C1orf198: variants seen among roughly 807,000 people sequenced by gnomAD.
C1orf198 encodes the protein chromosome 1 open reading frame 198.
C1orf198 carries 17 observed loss-of-function variants against 31.4 expected under a neutral mutation model. The ratio of observed to expected loss-of-function variants is 0.54; its 90% CI spans 0.37 to 0.81. The LOEUF (loss-of-function observed/expected upper bound fraction) is 0.81, where lower values mean the gene tolerates loss of function less well. C1orf198 is among the 40% of genes least tolerant of loss of function. The pLI, the probability that C1orf198 is intolerant of heterozygous loss-of-function variation, is 0.00. For synonymous variants in C1orf198, 175 were observed against 193.8 expected, an observed-to-expected ratio of 0.90 and a Z score of 0.81; for missense variants, 401 against 450.3, an observed-to-expected ratio of 0.89 and a Z score of 0.99.
rs544166291 is a variant in C1orf198 at position 230,866,766 on chromosome 1, A to G, written c.333+1414T>C. On this transcript the variant is annotated intron_variant, in intron 1 of 3. Transcript: ENST00000366663. ...AAATCTGGGCGCAAACACTGCACACAAGTCTTTATAAATACGCCTATTTTC... is the reference window on the plus strand; with the variant it reads ...AAATCTGGGCGCAAACACTGCACACGAGTCTTTATAAATACGCCTATTTTC... Among the ~76,000 whole-genome samples, 7 of 152,312 alleles carry G rather than the reference A, an allele frequency of 4.6e-5. No individual in the cohort carries two copies. In the South Asian group the frequency reaches 1.4e-3, roughly 32 times the overall value.
chr1:230,839,833 T>C lies in C1orf198; in HGVS notation c.*19A>G. 1 of 1,606,226 alleles carries C rather than the reference T, an allele frequency of 6.2e-7. No individual in the cohort carries two copies. Among genetic ancestry groups the C allele is most frequent in the East Asian group, 2.2e-5 (1 of 44,798 alleles). ...TGGAAAACATTTTAGGGTTCTTCAT[T>C]GTATTTTTCTAATACATTTTACCAA... is the stretch of plus-strand genomic sequence containing the variant. On this transcript the variant is annotated 3_prime_UTR_variant, in exon 4 of 4. Coordinates refer to ENST00000366663, the MANE Select transcript of C1orf198 (RefSeq NM_032800.3).
chr1:230,858,313 C>T (rs1277534224), intron 1 of C1orf198, among the ~76,000 whole-genome samples: 1 of 152,168 alleles, frequency 6.6e-6, no homozygotes, highest in East Asian at 1.9e-4. Context: ...TTTGTTTTCA[C>T]ATGGGAAAAA....
rs1441944095 is a variant in C1orf198, at chr1:230,840,278, T to C, written c.928-370A>G. Among the ~76,000 whole-genome samples the C allele has an allele frequency of 6.6e-6, 1 of 152,184 alleles. No homozygotes were observed. The highest frequency in any genetic ancestry group is 2.4e-5 in the African/African-American group (1 of 41,438). ...GAGAACAAATGATAAAGATATTCCTTCAAATATAAAACAAACATCACACAC... is the reference window on the plus strand; with the variant it reads ...GAGAACAAATGATAAAGATATTCCTCCAAATATAAAACAAACATCACACAC... On this transcript the variant is annotated intron_variant, in intron 3 of 3. Coordinates refer to ENST00000366663, the MANE Select transcript of C1orf198 (RefSeq NM_032800.3). This position sits in a 1 kb window ranked among gnomAD's most constrained non-coding sequence, Gnocchi z 4.0.
intron 2 of C1orf198, among the ~76,000 whole-genome samples, chr1:230,846,776 C>T (rs966055982): frequency 2.6e-5 from 4 of 151,616 alleles, no homozygotes; most frequent in African/African-American, 9.7e-5. Flanking sequence ...GTCTGACCAA[C>T]GTGGTGAAAC....
At chr1:230,856,181 T>C (rs1021447387) in intron 1 of C1orf198, 5 of 178,186 alleles carry the variant, frequency 2.8e-5, no homozygotes, top group African/African-American at 1.2e-4. Flanking sequence ...TGAGGTAATC[T>C]GGGAAAAGAA....
At chr1:230,860,248 T>C (rs1216585292) in intron 1 of C1orf198, among the ~76,000 whole-genome samples, 1 of 152,168 alleles carries the variant, frequency 6.6e-6, no homozygotes, top group Non-Finnish European at 1.5e-5. Flanking sequence ...GGAACCCTTG[T>C]GCACTCTTGG....
At position 230,840,560 on chromosome 1, in the gene C1orf198, C is replaced by G. The variant is rs1019725478; in HGVS notation, c.928-652G>C. Among the ~76,000 whole-genome samples, 2 of 152,276 alleles carry G rather than the reference C, an allele frequency of 1.3e-5. No individual in the cohort carries two copies. The highest frequency in any genetic ancestry group is 3.4e-3 in the Middle Eastern group (1 of 294). ...GGGGAAAGGGCTTAACTGACAGGTC[C>G]CCTCTTGTGAGCATGGGCTGTCTCA... On this transcript the variant is annotated intron_variant, in intron 3 of 3. Transcript: ENST00000366663. The surrounding 1 kb of genome is among the most constrained non-coding windows in gnomAD (Gnocchi z 4.0).
rs1205297846 is a variant in C1orf198 at position 230,868,182 on chromosome 1, C to T, written c.331G>A (p.Glu111Lys). ...TGQKVVRFGD[E>K]DLTWQDEHSA... The stretch of plus-strand genomic sequence containing the variant: ...TCCGCGGCCAGGCCCGCACCTACCT[C>T]GTCCCCGAAGCGCACCACCTTCTGG... The change falls in exon 1 of 4, where the codon GAG becomes AAG. Residue 111 changes from glutamate (E) to lysine (K), a missense_variant and splice_region_variant. Physicochemically the swap from Glu to Lys is moderately conservative, Grantham distance 56. Transcript: ENST00000366663. The T allele has an allele frequency of 1.3e-6, 2 of 1,508,134 alleles. No homozygotes were observed. The highest frequency in any genetic ancestry group is 1.5e-5 in the African/African-American group (1 of 68,912). 93.4% of individuals were successfully genotyped at this position (1,508,134 alleles called of 1,614,324 possible).
Position 230,843,233 on chromosome 1 carries a change from G to T in C1orf198, c.927+121C>A. ...CTAGGCATCCTCTGAGGAAGAGGCA[G>T]GGGAAGGAGAAGAAAAAGAGCATGG... On this transcript the variant is annotated intron_variant, in intron 3 of 3. Transcript: ENST00000366663. This position sits in a 1 kb window ranked among gnomAD's most constrained non-coding sequence, Gnocchi z 4.9. 1 of 1,187,684 alleles carries T rather than the reference G, an allele frequency of 8.4e-7. No individual in the cohort carries two copies. Among genetic ancestry groups the T allele is most frequent in the Non-Finnish European group, 1.2e-6 (1 of 855,958 alleles). 73.6% of individuals were successfully genotyped at this position (1,187,684 alleles called of 1,614,324 possible).
intron 2 of C1orf198, among the ~76,000 whole-genome samples, chr1:230,854,532 G>A (rs544527743): frequency 2.0e-5 from 3 of 152,152 alleles, no homozygotes; most frequent in African/African-American, 4.8e-5. Context: ...GATCCCTAGG[G>A]AGACTACATT....
intron 1 of C1orf198, among the ~76,000 whole-genome samples, chr1:230,863,244 C>T (rs1670037557): frequency 6.6e-6 from 1 of 152,116 alleles, no homozygotes; most frequent in Admixed American, 6.5e-5. Flanking sequence ...AATACGAATC[C>T]AGAAACTCAA....
At chr1:230,846,430 C>T (rs1572129009) in intron 2 of C1orf198, among the ~76,000 whole-genome samples, 2 of 152,368 alleles carry the variant, frequency 1.3e-5, no homozygotes, top group East Asian at 1.9e-4. Context: ...CCAGGATTCT[C>T]GCCAATGGGC....
intron 2 of C1orf198, among the ~76,000 whole-genome samples, chr1:230,844,121 C>G (rs6668084): frequency 0.076 from 11,497 of 152,022 alleles, 1,408 homozygotes; most frequent in African/African-American, 0.26. Flanking sequence ...GGCCGGGTGA[C>G]AGAGTGTGGG....
rs1669391883 is a variant in C1orf198 at position 230,839,557 on chromosome 1, A to T, written c.*295T>A. On this transcript the variant is annotated 3_prime_UTR_variant, in exon 4 of 4. Coordinates refer to ENST00000366663, the MANE Select transcript of C1orf198 (RefSeq NM_032800.3). ...GAAACACATCCTTTGAGGAGGGGGA[A>T]AGTTGGGTGGAGCTGGGAACAGAAG... is the stretch of plus-strand genomic sequence containing the variant. 9.6e-6 allele frequency: 3 copies of T among 311,364 alleles called. No homozygotes were observed. The highest frequency in any genetic ancestry group is 2.3e-5 in the African/African-American group (1 of 44,326). The allele number at this position is 311,364 out of a possible 1,614,324, so 19.3% of individuals were successfully genotyped here. A position where few individuals can be genotyped will look rare whatever the true frequency, so the allele number is the denominator to read the frequency against.
In C1orf198 at chr1:230,840,702, T is replaced by G. The variant is rs566072073; in HGVS notation, c.928-794A>C. On this transcript the variant is annotated intron_variant, in intron 3 of 3. Coordinates refer to ENST00000366663, the MANE Select transcript of C1orf198 (RefSeq NM_032800.3). The surrounding 1 kb of genome is among the most constrained non-coding windows in gnomAD (Gnocchi z 4.0). ...TTTACCTGGTGCGCCAAGGTCTTCTTGAGCAAAGAAACCTTGACTCTCCAC... is the reference window on the plus strand; with the variant it reads ...TTTACCTGGTGCGCCAAGGTCTTCTGGAGCAAAGAAACCTTGACTCTCCAC... 2.6e-5 allele frequency among the ~76,000 whole-genome samples: 4 copies of G among 152,254 alleles called. No individual in the cohort carries two copies. Among genetic ancestry groups the G allele is most frequent in the African/African-American group, 7.2e-5 (3 of 41,556 alleles).
chr1:230,859,910 T>C (rs993754630), intron 1 of C1orf198, among the ~76,000 whole-genome samples: 2 of 152,188 alleles, frequency 1.3e-5, no homozygotes, highest in Non-Finnish European at 2.9e-5. Flanking sequence ...TTTACTTCTT[T>C]ACTTGTTGAT....
chr1:230,846,058 G>A (rs1171862715), intron 2 of C1orf198, among the ~76,000 whole-genome samples: 3 of 152,180 alleles, frequency 2.0e-5, no homozygotes, highest in African/African-American at 7.2e-5. Flanking sequence ...CTATTTCTAA[G>A]CCTTGTTGTT....
In C1orf198 at chr1:230,843,610, A is replaced by G; in HGVS notation, c.671T>C (p.Val224Ala). 6.2e-7 allele frequency: 1 copy of G among 1,614,178 alleles called. No individual in the cohort carries two copies. Among genetic ancestry groups the G allele is most frequent in the Non-Finnish European group, 8.5e-7 (1 of 1,180,026 alleles). Residue 224 changes from valine (V) to alanine (A), a missense_variant, in exon 3 of 4, where the codon GTC (valine) becomes GCC (alanine). Transcript: ENST00000366663. The surrounding 1 kb of genome is among the most constrained non-coding windows in gnomAD (Gnocchi z 4.9). ...TTCCTGCCGGTAGCAGGGAGGCAAG[A>G]CCTTTTCCCCCTTCTCCATGGACTT... is the stretch of plus-strand genomic sequence containing the variant. Reference protein sequence around the residue: ...QIKSMEKGEKVLPPCYRQEPA... With the variant: ...QIKSMEKGEKALPPCYRQEPA...
intron 1 of C1orf198, chr1:230,856,043 C>T: frequency 9.5e-7 from 1 of 1,054,696 alleles, no homozygotes; most frequent in Non-Finnish European, 1.2e-6. Flanking sequence ...GAATCAGGCA[C>T]AGACTCAGCC....
Sources: allele counts gnomAD v4.1 joint callset (sites outside exome capture counted in the v4.1 genomes callset), GRCh38; gene constraint gnomAD v4.1.1; non-coding constraint Gnocchi (gnomAD v3.1); transcripts MANE v1.5; gene names NCBI Gene and HGNC (gene_info 2026-07-23, HGNC 2026-07-21).